TBC1D2B: variants seen among roughly 807,000 people sequenced by gnomAD.
TBC1D2B encodes TBC1 domain family member 2B.
TBC1D2B carries 64 observed loss-of-function variants against 100.8 expected under a neutral mutation model. The observed-to-expected ratio is 0.64, with a 90% confidence interval of 0.52 to 0.78. TBC1D2B has a LOEUF of 0.78. TBC1D2B is among the 30% of genes least tolerant of loss of function. The probability of loss-of-function intolerance (pLI) is 0.00; values close to 1 mark genes in which losing one functional copy is unlikely to be tolerated. For synonymous variants in TBC1D2B, 480 were observed against 479.7 expected, an observed-to-expected ratio of 1.00 and a Z score of -0.01; for missense variants, 1,052 against 1,218.4, an observed-to-expected ratio of 0.86 and a Z score of 2.03.
rs2073655892 is a variant in TBC1D2B at position 78,066,282 on chromosome 15, T to A, written c.360+11011A>T. ...ATATGCAGCTATAAACCACAGAGAG[T>A]CAACCCGAGGATGGAGGGCTCACAC... On this transcript the variant is annotated intron_variant, in intron 1 of 12. Transcript: ENST00000300584. Among the ~76,000 whole-genome samples, 3 of 151,426 alleles carry A rather than the reference T, an allele frequency of 2.0e-5. No homozygotes were observed. In the South Asian group the frequency reaches 6.3e-4, roughly 32 times the overall value.
intron 4 of TBC1D2B, 151 bp from the exon 5 acceptor site, chr15:78,025,648 T>G (rs929306986): frequency 2.0e-6 from 1 of 498,784 alleles, no homozygotes; most frequent in Non-Finnish European, 3.3e-6. Context: ...TGCCTCAGCC[T>G]CCCGAGTAGC....
chr15:78,037,616 G>A (rs887426513), intron 3 of TBC1D2B, among the ~76,000 whole-genome samples: 4 of 150,618 alleles, frequency 2.7e-5, no homozygotes, highest in African/African-American at 9.7e-5. Context: ...ATAGTGGAGG[G>A]GAGAGGAAGA....
chr15:78,015,036 C>T (rs570937817), intron 8 of TBC1D2B, among the ~76,000 whole-genome samples: 24 of 152,172 alleles, frequency 1.6e-4, no homozygotes, highest in African/African-American at 4.8e-4. Context: ...CCTGTCTCTG[C>T]TAAAAATACA....
At chr15:78,022,056 G>A (rs1439257395) in intron 6 of TBC1D2B, among the ~76,000 whole-genome samples, 1 of 152,170 alleles carries the variant, frequency 6.6e-6, no homozygotes, top group Non-Finnish European at 1.5e-5. Flanking sequence ...AGACACACTT[G>A]CAAAATAAAA....
intron 6 of TBC1D2B, among the ~76,000 whole-genome samples, chr15:78,022,179 C>T (rs769652976): frequency 6.6e-6 from 1 of 152,088 alleles, no homozygotes. Flanking sequence ...GGCAACACGG[C>T]GAAACTCTGT....
chr15:78,058,954 T>C (rs2073484215), intron 1 of TBC1D2B, among the ~76,000 whole-genome samples: 1 of 152,214 alleles, frequency 6.6e-6, no homozygotes, highest in South Asian at 2.1e-4. Context: ...CTCCAGCTCC[T>C]TCCTCCTCAC....
intron 3 of TBC1D2B, among the ~76,000 whole-genome samples, chr15:78,031,524 A>G (rs1448576902): frequency 8.2e-6 from 1 of 122,408 alleles, no homozygotes; most frequent in Non-Finnish European, 1.6e-5. Flanking sequence ...ACTGCACTCC[A>G]GCCTGGGCGA....
chr15:78,068,573 A>G (rs2073698481), intron 1 of TBC1D2B, among the ~76,000 whole-genome samples: 1 of 152,204 alleles, frequency 6.6e-6, no homozygotes, highest in South Asian at 2.1e-4. Flanking sequence ...ACACTCAAAG[A>G]CTAGACCAGG....
At chr15:78,010,503 A>C (rs1489997228) in intron 9 of TBC1D2B, among the ~76,000 whole-genome samples, 1 of 152,134 alleles carries the variant, frequency 6.6e-6, no homozygotes, top group Admixed American at 6.5e-5. Context: ...TCTCAAATTA[A>C]ATGGAAAAAA....
chr15:78,025,524 A>T, intron 4 of TBC1D2B, 27 bp from the exon 5 acceptor site: 7 of 1,301,956 alleles, frequency 5.4e-6, no homozygotes, highest in Non-Finnish European at 6.2e-6. Flanking sequence ...CTTGTATTTT[A>T]TTATTATTAT....
In TBC1D2B at chr15:78,017,932, T is replaced by C; in HGVS notation, c.1496A>G (p.Gln499Arg). ...LKDNLQGYKTQNKFLNKEILE... is the reference protein window; with the variant it reads ...LKDNLQGYKTRNKFLNKEILE... ...AATCTCCTTATTTAGAAATTTGTTTTGGGTTTTGTACCCCTGTAGATTATC... is the reference window on the plus strand; with the variant it reads ...AATCTCCTTATTTAGAAATTTGTTTCGGGTTTTGTACCCCTGTAGATTATC... The change falls in exon 7 of 13, where the codon CAA becomes CGA. Residue 499 changes from glutamine (Q) to arginine (R), a missense_variant. By Grantham distance (43) the Gln-to-Arg change is conservative. Around this residue, in one of 4 missense-constraint regions of TBC1D2B, gnomAD observed 627 missense variants for 646.1 expected, o/e 0.97. Coordinates refer to ENST00000300584, the MANE Select transcript of TBC1D2B (RefSeq NM_144572.2). The C allele has an allele frequency of 6.2e-7, 1 of 1,607,146 alleles. No individual in the cohort carries two copies. The highest frequency in any genetic ancestry group is 8.5e-7 in the Non-Finnish European group (1 of 1,176,256).
At chr15:78,025,962 A>G (rs1567020796) in intron 4 of TBC1D2B, among the ~76,000 whole-genome samples, 7 of 151,254 alleles carry the variant, frequency 4.6e-5, no homozygotes. Context: ...CTCTGCCCCC[A>G]CTGCATTCTA....
chr15:78,066,330 G>A (rs560056019), intron 1 of TBC1D2B, among the ~76,000 whole-genome samples: 1 of 152,320 alleles, frequency 6.6e-6, no homozygotes, highest in East Asian at 1.9e-4. Flanking sequence ...CACCCAAGCA[G>A]TTTAGTTATT....
chr15:78,023,249 C>A (rs890093437), intron 6 of TBC1D2B, among the ~76,000 whole-genome samples: 1 of 152,172 alleles, frequency 6.6e-6, no homozygotes, highest in Non-Finnish European at 1.5e-5. Context: ...AGGTGAGGGA[C>A]GCCTTGGGGC....
intron 1 of TBC1D2B, among the ~76,000 whole-genome samples, chr15:78,056,921 C>T (rs2073437351): frequency 6.6e-6 from 1 of 152,118 alleles, no homozygotes; most frequent in Admixed American, 6.5e-5. Flanking sequence ...GCTAAGCACC[C>T]TGGGAGCCTT....
chr15:78,055,327 C>G (rs532605721), intron 1 of TBC1D2B, among the ~76,000 whole-genome samples: 2 of 151,340 alleles, frequency 1.3e-5, no homozygotes, highest in Admixed American at 6.6e-5. Flanking sequence ...AAAAATCAAC[C>G]AAGATGGGGG....
In TBC1D2B at chr15:78,031,554, CAAAAAAAAAAA is replaced by C. The variant is rs1225713046; in HGVS notation, c.684-1395_684-1385del. ...GGGCGATAGAGCAAGACTCTGTCTC[CAAAAAAAAAAA>C]AAAAAAAAAAGAGAGAGAGAGAGGA... On this transcript the variant is annotated intron_variant, in intron 3 of 12. Coordinates refer to ENST00000300584, the MANE Select transcript of TBC1D2B (RefSeq NM_144572.2). 9.1e-5 allele frequency among the ~76,000 whole-genome samples: 5 copies of C among 54,904 alleles called. No individual in the cohort carries two copies. In the East Asian group the frequency reaches 3.6e-3, roughly 39 times the overall value. 36.0% of individuals were successfully genotyped at this position (54,904 alleles called of 152,430 possible). A position where few individuals can be genotyped will look rare whatever the true frequency, so the allele number is the denominator to read the frequency against.
intron 1 of TBC1D2B, among the ~76,000 whole-genome samples, chr15:78,062,813 G>A (rs185170500): frequency 1.3e-5 from 2 of 152,100 alleles, no homozygotes; most frequent in East Asian, 1.9e-4. Flanking sequence ...CTATGCTTTC[G>A]CTTTATACAC....
intron 3 of TBC1D2B, among the ~76,000 whole-genome samples, chr15:78,037,919 A>G (rs1435455849): frequency 6.6e-6 from 1 of 152,208 alleles, no homozygotes; most frequent in Non-Finnish European, 1.5e-5. Flanking sequence ...AAAGTGAACA[A>G]TGCTGTGTCA....
Sources: gnomAD v4.1 joint callset for allele counts (sites outside exome capture counted in the v4.1 genomes callset) on GRCh38, gnomAD v4.1.1 for gene constraint, gnomAD v4.1.1 regional missense constraint, MANE v1.5 for transcripts, NCBI Gene and HGNC (gene_info 2026-07-23, HGNC 2026-07-21) for gene names.